Variants in WFDC1 observed in about 807,000 individuals in gnomAD.
WFDC1 encodes WAP four-disulfide core domain protein 1.
In WFDC1, 39 loss-of-function variants were observed where a neutral mutation model predicts 32.9. The ratio of observed to expected loss-of-function variants is 1.19; its 90% CI spans 0.92 to 1.55. The LOEUF (loss-of-function observed/expected upper bound fraction) is 1.55. Among genes scored for constraint, WFDC1 ranks in the 40% most tolerant of loss-of-function variants. The pLI is 0.00. For missense variants in WFDC1, 386 were observed against 309.5 expected, an observed-to-expected ratio of 1.25 and a Z score of -1.85; for synonymous variants, 184 against 137.4, an observed-to-expected ratio of 1.34 and a Z score of -2.37.
At chr16:84,317,985 C>A (rs988229521) in intron 2 of WFDC1, 4 of 340,044 alleles carry the variant, frequency 1.2e-5, no homozygotes, top group Non-Finnish European at 2.3e-5. Flanking sequence ...GAGCAGAGAG[C>A]CCCGATTGGA....
At chr16:84,319,378 G>A (rs1908160630) in intron 3 of WFDC1, 53 bp from the exon 4 acceptor site, 1 of 1,591,104 alleles carries the variant, frequency 6.3e-7, no homozygotes, top group East Asian at 2.2e-5. Context: ...CCTAGCATGT[G>A]CACCTGTCCT....
chr16:84,319,316 C>T, intron 3 of WFDC1, 115 bp from the exon 4 acceptor site: 1 of 1,457,940 alleles, frequency 6.9e-7, no homozygotes, highest in Non-Finnish European at 9.2e-7. Context: ...GAGGCCGCCT[C>T]TCTGGGTGAG....
intron 1 of WFDC1, among the ~76,000 whole-genome samples, chr16:84,310,642 C>G (rs1358088710): frequency 6.6e-6 from 1 of 152,154 alleles, no homozygotes; most frequent in South Asian, 2.1e-4. Flanking sequence ...CTTCCAAAAA[C>G]GTTCTCAGCC....
intron 1 of WFDC1, among the ~76,000 whole-genome samples, chr16:84,310,805 T>C (rs1907569789): frequency 6.6e-6 from 1 of 152,204 alleles, no homozygotes; most frequent in Non-Finnish European, 1.5e-5. Flanking sequence ...TCTTATTTCA[T>C]TTTTTGCCAA....
chr16:84,301,478 C>T (rs528718482), intron 1 of WFDC1, among the ~76,000 whole-genome samples: 17 of 152,244 alleles, frequency 1.1e-4, no homozygotes, highest in African/African-American at 3.9e-4. Context: ...GCTCCTTGAA[C>T]CAGGTGAGCT....
At chr16:84,327,027 C>T in intron 6 of WFDC1, 72 bp downstream of exon 6, 2 of 1,502,160 alleles carry the variant, frequency 1.3e-6, no homozygotes, top group South Asian at 2.3e-5. Flanking sequence ...GCTTTCACCA[C>T]CAGGTTGAGG....
In WFDC1 at chr16:84,294,903, TCA is replaced by T; in HGVS notation, c.-66_-65del. The T allele has an allele frequency of 6.4e-7, 1 of 1,566,340 alleles. No homozygotes were observed. On this transcript the variant is annotated 5_prime_UTR_variant, in exon 1 of 7. Coordinates refer to ENST00000219454, the MANE Select transcript of WFDC1 (RefSeq NM_021197.4). The stretch of plus-strand genomic sequence containing the variant: ...AGACTGTGCACGCTCCTGTCCCCAC[TCA>T]CAGGCCCACGCAGCGAGGGGGGCCC...
At chr16:84,320,161 T>C (rs1452924087) in intron 4 of WFDC1, among the ~76,000 whole-genome samples, 1 of 152,222 alleles carries the variant, frequency 6.6e-6, no homozygotes, top group Non-Finnish European at 1.5e-5. Flanking sequence ...ACACATTCAA[T>C]ATTTTATTAT....
chr16:84,324,426 A>C lies in WFDC1; in HGVS notation c.570A>C (p.Arg190=). ...CVKQRRQADG[R]ILRHKLYKEY... ...CTCTCACTTGTTTTCCAGATGGGCG[A>C]ATCCTACGACACAAACTTTACAAAG... The change falls in exon 5 of 7, where the codon CGA becomes CGC. Residue 190 remains arginine (R), a synonymous_variant. Transcript: ENST00000219454. 1 of 1,613,912 alleles carries C rather than the reference A, an allele frequency of 6.2e-7. No individual in the cohort carries two copies. Among genetic ancestry groups the C allele is most frequent in the Non-Finnish European group, 8.5e-7 (1 of 1,179,972 alleles).
At chr16:84,307,628 T>A (rs1177585073) in intron 1 of WFDC1, among the ~76,000 whole-genome samples, 1 of 152,194 alleles carries the variant, frequency 6.6e-6, no homozygotes, top group Non-Finnish European at 1.5e-5. Context: ...AGTGTTTTGC[T>A]TCTGATCACC....
intron 3 of WFDC1, 85 bp from the exon 4 acceptor site, chr16:84,319,346 C>T: frequency 6.5e-7 from 1 of 1,546,868 alleles, no homozygotes; most frequent in Non-Finnish European, 8.7e-7. Flanking sequence ...CTGCACCCGT[C>T]CCGGGAGTCT....
chr16:84,326,257 A>T (rs888403427), intron 5 of WFDC1: 1 of 152,374 alleles, frequency 6.6e-6, no homozygotes, highest in Admixed American at 6.5e-5. Flanking sequence ...CCATCCATCC[A>T]TCCATTCTCC....
chr16:84,316,127 TGGTGGAA>T (rs1907933666), intron 2 of WFDC1: 1 of 152,216 alleles, frequency 6.6e-6, no homozygotes, highest in South Asian at 2.1e-4. Flanking sequence ...TCTGATGTGG[TGGTGGAA>T]AGGAGGGAAG....
At chr16:84,298,136 G>T (rs780627965) in intron 1 of WFDC1, among the ~76,000 whole-genome samples, 9 of 151,950 alleles carry the variant, frequency 5.9e-5, no homozygotes, top group South Asian at 2.1e-4. Flanking sequence ...AGAAAGGAAA[G>T]AATTTTTTTT....
intron 1 of WFDC1, among the ~76,000 whole-genome samples, chr16:84,299,139 T>A (rs1906782162): frequency 6.6e-6 from 1 of 152,020 alleles, no homozygotes; most frequent in Admixed American, 6.5e-5. Flanking sequence ...GGCAGGCAGA[T>A]CTCCTGAGGT....
At chr16:84,326,590 T>C in intron 5 of WFDC1, 1 of 386,572 alleles carries the variant, frequency 2.6e-6, no homozygotes, top group South Asian at 4.2e-5. Flanking sequence ...GAATGGCATG[T>C]GTGAAGCTCT....
At chr16:84,319,043 C>T (rs756283403) in intron 3 of WFDC1, 4 of 241,550 alleles carry the variant, frequency 1.7e-5, no homozygotes, top group South Asian at 7.2e-5. Context: ...TGTGGGGATG[C>T]GTGCGTATAT....
At chr16:84,316,418 A>C (rs1413543301) in intron 2 of WFDC1, 1 of 152,232 alleles carries the variant, frequency 6.6e-6, no homozygotes, top group Non-Finnish European at 1.5e-5. Context: ...ACGAATGCAG[A>C]GGTCACAAGC....
chr16:84,304,685 G>A (rs1005561843), intron 1 of WFDC1, among the ~76,000 whole-genome samples: 1 of 152,210 alleles, frequency 6.6e-6, no homozygotes, highest in Non-Finnish European at 1.5e-5. Context: ...TTGCTCTGGG[G>A]TTTTCAGGAA....
Sources: gnomAD v4.1 joint callset for allele counts (sites outside exome capture counted in the v4.1 genomes callset) on GRCh38, gnomAD v4.1.1 for gene constraint, MANE v1.5 for transcripts, NCBI Gene and HGNC (gene_info 2026-07-23, HGNC 2026-07-21) for gene names.